VPS50: variants seen among roughly 807,000 people sequenced by gnomAD.
VPS50 encodes the protein syndetin.
Under a neutral mutation model 139.7 loss-of-function variants are expected in VPS50, and 70 were observed. The ratio of observed to expected loss-of-function variants is 0.50; its 90% CI spans 0.41 to 0.61. The LOEUF is 0.61. Ranked by LOEUF, VPS50 falls within the 20% of genes least tolerant of loss-of-function variation. The pLI is 0.00. For synonymous variants in VPS50, 365 were observed against 376.7 expected, an observed-to-expected ratio of 0.97 and a Z score of 0.36; for missense variants, 921 against 1,133.7, an observed-to-expected ratio of 0.81 and a Z score of 2.69.
At chr7:93,344,387 CTT>C (rs1184864047) in intron 23 of VPS50, among the ~76,000 whole-genome samples, 1 of 152,062 alleles carries the variant, frequency 6.6e-6, no homozygotes, top group Non-Finnish European at 1.5e-5. Flanking sequence ...TAATGGGAGA[CTT>C]TAACACCCCA....
chr7:93,358,307 C>T lies in VPS50; in HGVS notation c.2776-10C>T. 6.2e-7 allele frequency: 1 copy of T among 1,612,284 alleles called. No individual in the cohort carries two copies. Among genetic ancestry groups the T allele is most frequent in the South Asian group, 1.1e-5 (1 of 91,024 alleles). On this transcript the variant is annotated splice_polypyrimidine_tract_variant and intron_variant, in intron 27 of 27. Transcript: ENST00000305866. ...AGGGTACTAAATTTGGATCTTTCTT[C>T]TTTGAGCAGGAATATTCAACGAAGC...
Position 93,305,874 on chromosome 7 carries a change from G to A in VPS50, c.1499G>A (p.Ser500Asn). Residue 500 changes from serine to asparagine, a missense_variant, in exon 18 of 28, where the codon AGT (serine) becomes AAT (asparagine). By Grantham distance (46) the Ser-to-Asn change is conservative. Around this residue, in one of 3 missense-constraint regions of VPS50, gnomAD observed 744 missense variants for 930.6 expected, o/e 0.80. Transcript: ENST00000305866. ...EQSRSPSVSP[S>N]KQPVSTSSKT... The stretch of plus-strand genomic sequence containing the variant: ...TCTCGCTCCCCATCAGTTTCACCTA[G>A]TAAACAGCCAGTCTCAACTTCTTCA... The A allele has an allele frequency of 6.2e-7, 1 of 1,612,574 alleles. No individual in the cohort carries two copies. Among genetic ancestry groups the A allele is most frequent in the Non-Finnish European group, 8.5e-7 (1 of 1,178,838 alleles).
intron 12 of VPS50, among the ~76,000 whole-genome samples, chr7:93,280,036 C>G (rs1796275918): frequency 6.6e-6 from 1 of 151,938 alleles, no homozygotes; most frequent in East Asian, 1.9e-4. Flanking sequence ...AATTAGTGTT[C>G]CGTTTTTATT....
At chr7:93,319,307 A>G (rs542364022) in intron 20 of VPS50, among the ~76,000 whole-genome samples, 9 of 152,330 alleles carry the variant, frequency 5.9e-5, no homozygotes, top group African/African-American at 2.2e-4. Flanking sequence ...TGAATTGGCT[A>G]AGGCAGGCCC....
chr7:93,265,307 T>C (rs1795807901), intron 9 of VPS50, among the ~76,000 whole-genome samples: 1 of 152,176 alleles, frequency 6.6e-6, no homozygotes, highest in Non-Finnish European at 1.5e-5. Context: ...GTAAATATTT[T>C]AGGTTTTACA....
rs933914288 is a variant in VPS50, at chr7:93,334,143, T to C, written c.2004T>C (p.Ser668=). 3.7e-6 allele frequency: 6 copies of C among 1,600,346 alleles called. No homozygotes were observed. In the Admixed American group the frequency reaches 8.5e-5, roughly 23 times the overall value. Residue 668 remains serine (S), a synonymous_variant, in exon 22 of 28, where the codon AGT becomes AGC. Coordinates refer to ENST00000305866, the MANE Select transcript of VPS50 (RefSeq NM_017667.4). ...TGGAATCAACTGGACTCGGCCTTAG[T>C]AGTAGTAGACTAAGAACAACTCTAA... is the stretch of plus-strand genomic sequence containing the variant. The part of the protein sequence containing the change: ...DSLESTGLGL[S]SSRLRTTLNR...
chr7:93,262,150 A>G (rs942437463), intron 9 of VPS50, among the ~76,000 whole-genome samples: 1 of 152,342 alleles, frequency 6.6e-6, no homozygotes, highest in African/African-American at 2.4e-5. Flanking sequence ...ATTGACTTTG[A>G]AAAGGTCACT....
chr7:93,285,003 C>G lies in VPS50; in HGVS notation c.943-6700C>G, dbSNP rs1796441390. Among the ~76,000 whole-genome samples, 3 of 152,134 alleles carry G rather than the reference C, an allele frequency of 2.0e-5. No individual in the cohort carries two copies. The South Asian group carries it at 6.2e-4, about 31-fold the overall frequency. On this transcript the variant is annotated intron_variant, in intron 12 of 27. Transcript: ENST00000305866. ...CACTTCCATAGGTCCAGAGTTACCC[C>G]CAAAGATGTTTTCAACTCCCTGGGC...
chr7:93,265,715 C>G (rs1281463668), intron 9 of VPS50, among the ~76,000 whole-genome samples: 1 of 152,088 alleles, frequency 6.6e-6, no homozygotes, highest in East Asian at 1.9e-4. Context: ...CAGGCACACG[C>G]CACTACACCC....
intron 13 of VPS50, 120 bp from the exon 14 acceptor site, chr7:93,294,425 C>A: frequency 1.2e-6 from 1 of 837,806 alleles, no homozygotes. Context: ...GTATAAATAT[C>A]AAACATATTT....
chr7:93,344,057 C>T (rs1798309726), intron 23 of VPS50, among the ~76,000 whole-genome samples: 1 of 151,966 alleles, frequency 6.6e-6, no homozygotes, highest in Non-Finnish European at 1.5e-5. Context: ...GAGTCAAGAC[C>T]CATCAGTGTG....
chr7:93,274,145 G>C (rs1433025688), intron 11 of VPS50, among the ~76,000 whole-genome samples: 1 of 152,056 alleles, frequency 6.6e-6, no homozygotes, highest in African/African-American at 2.4e-5. Context: ...TAAACCTACA[G>C]TGGCTTTATG....
chr7:93,356,062 G>T lies in VPS50; in HGVS notation c.2757G>T (p.Arg919=). Residue 919 remains arginine (R), a synonymous_variant, in exon 27 of 28, where the codon CGG becomes CGT. Transcript: ENST00000305866. ...AYYLTENDME[R]WIKEHREYST... ...ACCTAACTGAGAATGACATGGAACGGTGGATCAAAGAGCACAGGGTGAGAG... is the reference window on the plus strand; with the variant it reads ...ACCTAACTGAGAATGACATGGAACGTTGGATCAAAGAGCACAGGGTGAGAG... 1 of 1,499,078 alleles carries T rather than the reference G, an allele frequency of 6.7e-7. No homozygotes were observed. The highest frequency in any genetic ancestry group is 9.1e-7 in the Non-Finnish European group (1 of 1,104,908). The allele number at this position is 1,499,078 out of a possible 1,614,324, so 92.9% of individuals were successfully genotyped here.
chr7:93,342,377 G>T (rs1193572537), intron 23 of VPS50, among the ~76,000 whole-genome samples: 3 of 152,192 alleles, frequency 2.0e-5, no homozygotes, highest in African/African-American at 7.2e-5. Context: ...AGATCAAACT[G>T]CAAGGCGGCA....
intron 8 of VPS50, 159 bp from the exon 9 acceptor site, chr7:93,259,391 C>T (rs949534379): frequency 4.3e-6 from 2 of 470,012 alleles, no homozygotes; most frequent in East Asian, 3.2e-5. Flanking sequence ...CTAGTTGCCT[C>T]TTATATTTTG....
At chr7:93,249,434 T>C (rs1464126039) in intron 2 of VPS50, among the ~76,000 whole-genome samples, 6 of 152,100 alleles carry the variant, frequency 3.9e-5, no homozygotes, top group Admixed American at 3.9e-4. Flanking sequence ...TCCAAGTATC[T>C]TTACCTTCTT....
intron 8 of VPS50, 39 bp downstream of exon 8, chr7:93,258,431 T>TA (rs1562854708): frequency 6.6e-7 from 1 of 1,510,750 alleles, no homozygotes; most frequent in Non-Finnish European, 9.2e-7. Context: ...GTCCTACTGA[T>TA]ATATAGAAAC....
chr7:93,337,279 T>C (rs1449431638), intron 22 of VPS50, among the ~76,000 whole-genome samples: 1 of 152,220 alleles, frequency 6.6e-6, no homozygotes, highest in Non-Finnish European at 1.5e-5. Flanking sequence ...TTCTAAAGAA[T>C]GCTTTTGTGA....
chr7:93,261,812 A>G (rs1795693381), intron 9 of VPS50, among the ~76,000 whole-genome samples: 1 of 152,104 alleles, frequency 6.6e-6, no homozygotes, highest in South Asian at 2.1e-4. Flanking sequence ...GGAAGACTTG[A>G]GGTAGGCCAG....
Sources: gnomAD v4.1 joint callset for allele counts (sites outside exome capture counted in the v4.1 genomes callset) on GRCh38, gnomAD v4.1.1 for gene constraint, gnomAD v4.1.1 regional missense constraint, MANE v1.5 for transcripts, NCBI Gene and HGNC (gene_info 2026-07-23, HGNC 2026-07-21) for gene names.